Variants in UBR1 observed in about 807,000 individuals in gnomAD.
The protein encoded by UBR1 is ubiquitin protein ligase E3 component n-recognin 1.
UBR1 carries 102 observed loss-of-function variants against 242.1 expected under a neutral mutation model. That is an observed-to-expected ratio of 0.42 (90% CI 0.36 to 0.50). The LOEUF is 0.50. Ranked by LOEUF, UBR1 falls within the 20% of genes least tolerant of loss-of-function variation. UBR1 has a pLI of 0.01. For synonymous variants in UBR1, 675 were observed against 684.8 expected (o/e 0.99, Z 0.22); for missense variants, 1,772 against 2,101.8 (o/e 0.84, Z 3.07).
rs753348477 is a variant in UBR1 at position 42,957,989 on chromosome 15, C to CAT, written c.4835+22_4835+23dup. On this transcript the variant is annotated intron_variant, in intron 44 of 46. Transcript: ENST00000290650. ...TCAGAAAATGATTTAAAATTACACA[C>CAT]ATATATATACACACTCTCCTTACCT... 54 of 1,575,210 alleles carry CAT rather than the reference C, an allele frequency of 3.4e-5. No individual in the cohort carries two copies. The East Asian group carries it at 1.0e-3, about 30-fold the overall frequency.
chr15:43,049,527 C>T (rs886948303), intron 12 of UBR1, among the ~76,000 whole-genome samples: 1 of 152,176 alleles, frequency 6.6e-6, no homozygotes, highest in Non-Finnish European at 1.5e-5. Flanking sequence ...CGCAACACTG[C>T]ACTCCAGCCT....
chr15:42,959,051 G>A (rs529001291), intron 43 of UBR1, among the ~76,000 whole-genome samples: 13 of 152,166 alleles, frequency 8.5e-5, no homozygotes, highest in Admixed American at 6.5e-4. Flanking sequence ...GGCTGGTCTC[G>A]AACTCCTGAC....
chr15:43,025,683 T>C (rs2033169221), intron 23 of UBR1: 1 of 464,432 alleles, frequency 2.2e-6, no homozygotes, highest in African/African-American at 2.0e-5. Flanking sequence ...GTACCTATTA[T>C]GCACAGGGTA....
chr15:43,034,254 A>G (rs2033299124), intron 19 of UBR1, among the ~76,000 whole-genome samples: 1 of 71,012 alleles, frequency 1.4e-5, no homozygotes, highest in East Asian at 3.4e-4. Context: ...ATAAATAAAT[A>G]AATAAATAAA....
chr15:42,984,522 TATG>T (rs1190641427), intron 36 of UBR1, among the ~76,000 whole-genome samples: 1 of 152,334 alleles, frequency 6.6e-6, no homozygotes, highest in East Asian at 1.9e-4. Context: ...TTGAATTCAG[TATG>T]ATGATTCATC....
chr15:42,979,375 G>C (rs568644688), intron 37 of UBR1, among the ~76,000 whole-genome samples: 96 of 151,928 alleles, frequency 6.3e-4, no homozygotes, highest in African/African-American at 2.2e-3. Context: ...CAAATTCCAA[G>C]ATTCTAAACA....
At chr15:43,068,986 A>T (rs902289321) in intron 5 of UBR1, among the ~76,000 whole-genome samples, 2 of 152,226 alleles carry the variant, frequency 1.3e-5, no homozygotes, top group Non-Finnish European at 2.9e-5. Flanking sequence ...AAATAAACAG[A>T]TTTTATTAAC....
chr15:42,994,361 A>C (rs2032602242), intron 33 of UBR1, among the ~76,000 whole-genome samples: 2 of 132,338 alleles, frequency 1.5e-5, no homozygotes, highest in Admixed American at 1.8e-4. Context: ...CAGCCTGGGC[A>C]ACACAGCAAG....
chr15:42,960,507 CAAAGACCTAA>C, intron 43 of UBR1, 128 bp downstream of exon 43: 2 of 874,596 alleles, frequency 2.3e-6, no homozygotes, highest in Non-Finnish European at 3.7e-6. Context: ...TGATTTCTGG[CAAAGACCTAA>C]CAGAAATCAG....
intron 10 of UBR1, among the ~76,000 whole-genome samples, chr15:43,056,803 G>A (rs994564400): frequency 2.6e-5 from 4 of 152,090 alleles, no homozygotes; most frequent in African/African-American, 9.7e-5. Context: ...CACTCTAATG[G>A]TATTGGGCAG....
At position 42,985,020 on chromosome 15, in the gene UBR1, TC is replaced by T. The variant is rs1231150792; in HGVS notation, c.3998-79del. The stretch of plus-strand genomic sequence containing the variant: ...ATATACTGTACTTTTTATCAAATGT[TC>T]TTTAATAATATTTTTGATGAGATGA... On this transcript the variant is annotated intron_variant, in intron 35 of 46. Transcript: ENST00000290650. 2.7e-6 allele frequency: 3 copies of T among 1,096,168 alleles called. No homozygotes were observed. In the African/African-American group the frequency reaches 4.8e-5, roughly 18 times the overall value. 67.9% of individuals were successfully genotyped at this position (1,096,168 alleles called of 1,614,324 possible).
intron 29 of UBR1, 29 bp downstream of exon 29, chr15:43,015,659 T>C: frequency 6.2e-7 from 1 of 1,609,920 alleles, no homozygotes. Context: ...AAAAATTGAG[T>C]TGGTAATTTT....
chr15:43,047,427 C>T, intron 13 of UBR1, 138 bp from the exon 14 acceptor site: 1 of 1,279,132 alleles, frequency 7.8e-7, no homozygotes, highest in African/African-American at 1.5e-5. Flanking sequence ...GGGTTCAATT[C>T]CCAGCTCTCA....
rs747877617 is a variant in UBR1 at position 43,026,673 on chromosome 15, T to C, written c.2433-10A>G. The C allele has an allele frequency of 3.4e-5, 55 of 1,604,722 alleles. No individual in the cohort carries two copies. The highest frequency in any genetic ancestry group is 4.3e-5 in the Non-Finnish European group (51 of 1,173,082). On this transcript the variant is annotated splice_polypyrimidine_tract_variant and intron_variant, in intron 22 of 46. Transcript: ENST00000290650. ...TGATACACCTGGTTTCCTAAATAGA[T>C]GGAAAATACAAGATGAACTGCAGTG...
At chr15:42,973,302 G>A (rs570638591) in intron 39 of UBR1, among the ~76,000 whole-genome samples, 96 of 152,116 alleles carry the variant, frequency 6.3e-4, no homozygotes, top group African/African-American at 2.2e-3. Context: ...CTGGCTCATT[G>A]CCCCGTTTTT....
intron 19 of UBR1, 56 bp downstream of exon 19, chr15:43,036,122 G>T: frequency 7.1e-7 from 1 of 1,402,608 alleles, no homozygotes; most frequent in South Asian, 1.2e-5. Context: ...AAATATGACT[G>T]AAATAGTAAC....
At position 42,945,129 on chromosome 15, in the gene UBR1, A is replaced by G; in HGVS notation, c.*200T>C. On this transcript the variant is annotated 3_prime_UTR_variant, in exon 47 of 47. Transcript: ENST00000290650. ...ACTAGCACATAAAACAGATTGATCT[A>G]TGTCCTTTTTTCCTGTGAAGCATAT... is the stretch of plus-strand genomic sequence containing the variant. 1.5e-6 allele frequency: 1 copy of G among 646,674 alleles called. No homozygotes were observed. 40.1% of individuals were successfully genotyped at this position (646,674 alleles called of 1,614,324 possible). A position where few individuals can be genotyped will look rare whatever the true frequency, so the allele number is the denominator to read the frequency against.
chr15:43,023,878 T>C (rs1012013379), intron 25 of UBR1, among the ~76,000 whole-genome samples: 9 of 152,170 alleles, frequency 5.9e-5, no homozygotes, highest in African/African-American at 2.2e-4. Context: ...TACGCTCCCT[T>C]AGGTATGCAA....
intron 1 of UBR1, among the ~76,000 whole-genome samples, chr15:43,090,701 C>T (rs1287108827): frequency 6.6e-6 from 1 of 151,236 alleles, no homozygotes. Flanking sequence ...AGGCACAGAA[C>T]TAGCTCTTTT....
Sources: gnomAD v4.1 joint callset for allele counts (sites outside exome capture counted in the v4.1 genomes callset) on GRCh38, gnomAD v4.1.1 for gene constraint, MANE v1.5 for transcripts, NCBI Gene and HGNC (gene_info 2026-07-23, HGNC 2026-07-21) for gene names.